Variants in SETD1B observed in about 807,000 individuals in gnomAD.
SETD1B encodes SET domain containing 1B, histone lysine methyltransferase.
Under a neutral mutation model 148.0 loss-of-function variants are expected in SETD1B, and 7 were observed. That is an observed-to-expected ratio of 0.05 (90% confidence interval 0.03 to 0.09). SETD1B has a LOEUF of 0.09. Ranked by LOEUF, SETD1B falls within the 10% of genes least tolerant of loss-of-function variation. SETD1B has a pLI of 1.00. For synonymous variants in SETD1B, 1,361 were observed against 1,186.5 expected (o/e 1.15, Z -3.02); for missense variants, 2,155 against 2,729.9 (o/e 0.79, Z 4.69).
chr12:121,809,114 T>A (rs1235891534), intron 5 of SETD1B, among the ~76,000 whole-genome samples: 1 of 152,182 alleles, frequency 6.6e-6, no homozygotes, highest in Non-Finnish European at 1.5e-5. Flanking sequence ...CCTCAAGTGA[T>A]CCACCTGCCT....
chr12:121,797,774 C>T, the SETD1B span: 793 of 355,706 alleles, frequency 2.2e-3, 1 homozygote, highest in Middle Eastern at 8.0e-3. Flanking sequence ...GTGAGAGCAA[C>T]GGGGTTCAAT....
At position 121,823,874 on chromosome 12, in the gene SETD1B, C is replaced by T. The variant is rs1220314458; in HGVS notation, c.5170+125C>T. The T allele has an allele frequency of 1.7e-5, 22 of 1,301,526 alleles. No homozygotes were observed. In the East Asian group the frequency reaches 5.1e-4, roughly 30 times the overall value. 80.6% of individuals were successfully genotyped at this position (1,301,526 alleles called of 1,614,324 possible). A position where few individuals can be genotyped will look rare whatever the true frequency, so the allele number is the denominator to read the frequency against. ...CCCATGAAGGTGACAGCATGCACCA[C>T]CGTCACTTCCCAAGCAGGGTTTGTG... On this transcript the variant is annotated intron_variant, in intron 12 of 16. Transcript: ENST00000604567.
At chr12:121,812,272 G>C (rs375820966) in intron 6 of SETD1B, among the ~76,000 whole-genome samples, 3 of 152,312 alleles carry the variant, frequency 2.0e-5, no homozygotes, top group African/African-American at 7.2e-5. Flanking sequence ...GTGCAGGGGG[G>C]GCTTTTCTTC....
At chr12:121,809,543 A>C in intron 5 of SETD1B, 60 bp from the exon 6 acceptor site, 1 of 1,473,976 alleles carries the variant, frequency 6.8e-7, no homozygotes, top group Non-Finnish European at 9.0e-7. Flanking sequence ...GAGAAGGGAA[A>C]ATAGCCCTGT....
Position 121,814,570 on chromosome 12 carries a change from G to C in SETD1B, c.2355G>C (p.Leu785=). Residue 785 remains leucine, a synonymous_variant, in exon 7 of 17, where the codon CTG becomes CTC. Transcript: ENST00000604567. ...TGCAAACGCAGGTGCTCAGCCGGCT[G>C]ATGACGGGCCAGGGCGCCTGCCCCT... The part of the protein sequence containing the change: ...FQMQTQVLSR[L]MTGQGACPYP... The C allele has an allele frequency of 1.3e-6, 2 of 1,510,840 alleles. No individual in the cohort carries two copies. Among genetic ancestry groups the C allele is most frequent in the Non-Finnish European group, 1.8e-6 (2 of 1,124,756 alleles). 93.6% of individuals were successfully genotyped at this position (1,510,840 alleles called of 1,614,324 possible).
intron 12 of SETD1B, among the ~76,000 whole-genome samples, chr12:121,824,697 C>G (rs769882093): frequency 2.0e-5 from 3 of 151,670 alleles, no homozygotes; most frequent in Non-Finnish European, 2.9e-5. Context: ...TCATCACTTG[C>G]AGAGAGGCAT....
the SETD1B span, chr12:121,796,022 CT>C: frequency 6.6e-6 from 1 of 152,494 alleles, no homozygotes; most frequent in Non-Finnish European, 1.5e-5. Flanking sequence ...CCCCACCTGC[CT>C]GGAGCGCGTT....
chr12:121,810,311 C>A lies in SETD1B; in HGVS notation c.1366C>A (p.Pro456Thr). Residue 456 changes from proline (P) to threonine (T), a missense_variant, in exon 6 of 17, where the codon CCC becomes ACC. By Grantham distance (38) the Pro-to-Thr change is conservative (BLOSUM62 -1). Coordinates refer to ENST00000604567, the MANE Select transcript of SETD1B (RefSeq NM_001353345.2). This position sits in a 1 kb window ranked among gnomAD's most constrained non-coding sequence, Gnocchi z 7.6. ...EKPGTPPGPPPPDTNSMELGG... is the reference protein window; with the variant it reads ...EKPGTPPGPPTPDTNSMELGG... Reference sequence around the variant, plus strand: ...GCCAGGCACGCCACCCGGCCCGCCGCCCCCCGACACCAACAGCATGGAGCT... The same window carrying A: ...GCCAGGCACGCCACCCGGCCCGCCGACCCCCGACACCAACAGCATGGAGCT... The A allele has an allele frequency of 6.5e-7, 1 of 1,543,296 alleles. No homozygotes were observed. Among genetic ancestry groups the A allele is most frequent in the Non-Finnish European group, 8.7e-7 (1 of 1,146,482 alleles).
At chr12:121,803,364 C>T (rs1247698347), upstream of SETD1B, 1 of 152,258 alleles carries the variant, frequency 6.6e-6, no homozygotes, top group Non-Finnish European at 1.5e-5. The surrounding 1 kb of genome is among the most constrained non-coding windows in gnomAD (Gnocchi z 4.7). Context: ...CAGGGCGCTC[C>T]CCTCCAAAAA....
chr12:121,819,261 C>G, intron 10 of SETD1B, 143 bp from the exon 11 acceptor site: 1 of 1,418,578 alleles, frequency 7.0e-7, no homozygotes, highest in Non-Finnish European at 9.3e-7. Context: ...AAAAAGACTC[C>G]TAGTGAACAC....
At chr12:121,828,460 G>A (rs1447978543) in intron 16 of SETD1B, among the ~76,000 whole-genome samples, 2 of 151,788 alleles carry the variant, frequency 1.3e-5, no homozygotes, top group East Asian at 3.8e-4. Context: ...TGCACTGCGT[G>A]CATCTGTGCT....
At chr12:121,806,694 A>T (rs888620806) in intron 4 of SETD1B, among the ~76,000 whole-genome samples, 2 of 152,156 alleles carry the variant, frequency 1.3e-5, no homozygotes, top group Non-Finnish European at 2.9e-5. Context: ...AGAGCCAGGC[A>T]GGCGGCTCTG....
In SETD1B at chr12:121,809,685, G is replaced by T; in HGVS notation, c.740G>T (p.Ser247Ile). Residue 247 changes from serine to isoleucine, a missense_variant, in exon 6 of 17, where the codon AGC becomes ATC. Ser to Ile is a moderately radical substitution (Grantham distance 142). This residue lies in a region of SETD1B where 376 missense variants were observed against 385.0 expected (regional missense o/e 0.98). Coordinates refer to ENST00000604567, the MANE Select transcript of SETD1B (RefSeq NM_001353345.2). The stretch of plus-strand genomic sequence containing the variant: ...GGCTCCTCCTCTGTCACCCCCAATA[G>T]CGGTGGGACACCCTTCTCCCAGGAC... ...GSGSSSVTPNSGGTPFSQDTA... is the reference protein window; with the variant it reads ...GSGSSSVTPNIGGTPFSQDTA... 1 of 1,551,612 alleles carries T rather than the reference G, an allele frequency of 6.4e-7. No individual in the cohort carries two copies. The highest frequency in any genetic ancestry group is 8.7e-7 in the Non-Finnish European group (1 of 1,146,988).
rs764350016 is a variant in SETD1B at position 121,817,850 on chromosome 12, G to A, written c.3364G>A (p.Glu1122Lys). The change falls in exon 10 of 17, where the codon GAG becomes AAG. Residue 1122 changes from glutamate (E) to lysine (K), a missense_variant. Around this residue, in one of 11 missense-constraint regions of SETD1B, gnomAD observed 862 missense variants for 873.8 expected, o/e 0.99. Coordinates refer to ENST00000604567, the MANE Select transcript of SETD1B (RefSeq NM_001353345.2). This position sits in a 1 kb window ranked among gnomAD's most constrained non-coding sequence, Gnocchi z 8.1. ...DDRDESENDD[E>K]DTALSEASEK... ...CCGGGACGAGTCTGAGAACGATGAC[G>A]AGGACACAGCCCTGTCAGAGGCGAG... The A allele has an allele frequency of 6.3e-5, 97 of 1,551,084 alleles. No homozygotes were observed. The South Asian group carries it at 9.0e-4, about 14-fold the overall frequency.
In SETD1B at chr12:121,810,001, C is replaced by T. The variant is rs1875942060; in HGVS notation, c.1056C>T (p.Leu352=). The T allele has an allele frequency of 6.4e-7, 1 of 1,550,660 alleles. No individual in the cohort carries two copies. Among genetic ancestry groups the T allele is most frequent in the Non-Finnish European group, 8.7e-7 (1 of 1,146,948 alleles). ...CCGCTTTCCGGGGTTCCTCGGACCT[C>T]CCGTTCGGAGCAGTCGGCGGCACTG... The part of the protein sequence containing the change: ...ATAAFRGSSD[L]PFGAVGGTGG... The change falls in exon 6 of 17, where the codon CTC becomes CTT. Residue 352 remains leucine (L), a synonymous_variant. Coordinates refer to ENST00000604567, the MANE Select transcript of SETD1B (RefSeq NM_001353345.2). The surrounding 1 kb of genome is among the most constrained non-coding windows in gnomAD (Gnocchi z 7.6).
chr12:121,790,180 G>A, the SETD1B span, among the ~76,000 whole-genome samples: 1 of 152,374 alleles, frequency 6.6e-6, no homozygotes, highest in East Asian at 1.9e-4. Context: ...GAGGGCCCCT[G>A]TGGGCAGCGT....
chr12:121,810,496 G>C lies in SETD1B; in HGVS notation c.1551G>C (p.Leu517=). The change falls in exon 6 of 17, where the codon CTG becomes CTC. Residue 517 remains leucine, a synonymous_variant. Transcript: ENST00000604567. The surrounding 1 kb of genome is among the most constrained non-coding windows in gnomAD (Gnocchi z 7.6). The part of the protein sequence containing the change: ...LKEQRTKLLF[L]REPDSDTELQ... ...AGCAGCGCACCAAGCTGCTCTTCCT[G>C]AGGGAGCCGGACTCGGACACCGAGC... 1 of 1,546,750 alleles carries C rather than the reference G, an allele frequency of 6.5e-7. No individual in the cohort carries two copies. Among genetic ancestry groups the C allele is most frequent in the Non-Finnish European group, 8.7e-7 (1 of 1,147,020 alleles).
Position 121,804,224 on chromosome 12 carries a change from C to T in SETD1B, c.-24C>T, listed in dbSNP as rs1875579306. 6.8e-6 allele frequency: 1 copy of T among 148,134 alleles called. No homozygotes were observed. The highest frequency in any genetic ancestry group is 1.5e-5 in the Non-Finnish European group (1 of 66,300). 9.2% of individuals were successfully genotyped at this position (148,134 alleles called of 1,614,324 possible). ...CTGGCGGCGCAGGGAGGCCGGCGCC[C>T]GGCGGGGATGTAAGCGCGGCTCGGG... On this transcript the variant is annotated 5_prime_UTR_variant, in exon 1 of 17. Transcript: ENST00000604567. The surrounding 1 kb of genome is among the most constrained non-coding windows in gnomAD (Gnocchi z 4.6).
intron 12 of SETD1B, among the ~76,000 whole-genome samples, chr12:121,824,153 G>A (rs758572949): frequency 6.6e-6 from 1 of 152,236 alleles, no homozygotes; most frequent in Non-Finnish European, 1.5e-5. Context: ...AAGGCTCAGA[G>A]AGGTTCAGTG....
Sources: gnomAD v4.1 joint callset for allele counts (sites outside exome capture counted in the v4.1 genomes callset) on GRCh38, gnomAD v4.1.1 for gene constraint, gnomAD v4.1.1 regional missense constraint, Gnocchi (gnomAD v3.1) non-coding constraint, MANE v1.5 for transcripts, NCBI Gene and HGNC (gene_info 2026-07-23, HGNC 2026-07-21) for gene names.